Variants in SOCS6 observed in about 807,000 individuals in gnomAD.
The protein encoded by SOCS6 is suppressor of cytokine signaling 6, also known as STAT induced STAT inhibitor-4.
A neutral mutation model predicts 27.7 loss-of-function variants in SOCS6; 5 were observed. That is an observed-to-expected ratio of 0.18 (90% confidence interval 0.09 to 0.38). The LOEUF (loss-of-function observed/expected upper bound fraction) is 0.38. SOCS6 is among the 10% of genes least tolerant of loss of function. SOCS6 has a pLI of 1.00. For synonymous variants in SOCS6, 271 were observed against 260.0 expected (o/e 1.04, Z -0.41); for missense variants, 595 against 688.1 (o/e 0.86, Z 1.51).
intron 1 of SOCS6, among the ~76,000 whole-genome samples, chr18:70,316,243 T>C (rs1600163131): frequency 6.6e-6 from 1 of 152,194 alleles, no homozygotes; most frequent in Admixed American, 6.5e-5. Flanking sequence ...TGATTTTAAT[T>C]TAATTAATTT....
rs762872762 is a variant in SOCS6, at chr18:70,328,940, A to G, written c.*2664A>G. On this transcript the variant is annotated 3_prime_UTR_variant, in exon 2 of 2. Transcript: ENST00000397942. ...AACATAGATGACATGGACACAGCCTATGAGTGCTTTTTAAATACGTGCTTC... is the reference window on the plus strand; with the variant it reads ...AACATAGATGACATGGACACAGCCTGTGAGTGCTTTTTAAATACGTGCTTC... 6.0e-6 allele frequency: 1 copy of G among 167,082 alleles called. No individual in the cohort carries two copies. Among genetic ancestry groups the G allele is most frequent in the South Asian group, 2.1e-4 (1 of 4,830 alleles). 10.3% of individuals were successfully genotyped at this position (167,082 alleles called of 1,614,324 possible).
chr18:70,302,304 G>A (rs138010703), intron 1 of SOCS6, among the ~76,000 whole-genome samples: 1 of 152,024 alleles, frequency 6.6e-6, no homozygotes, highest in Non-Finnish European at 1.5e-5. Context: ...CATCTGCTGC[G>A]ATATTAAATG....
At position 70,328,715 on chromosome 18, in the gene SOCS6, A is replaced by G. The variant is rs1911303389; in HGVS notation, c.*2439A>G. 6.0e-6 allele frequency: 1 copy of G among 166,974 alleles called. No individual in the cohort carries two copies. Among genetic ancestry groups the G allele is most frequent in the African/African-American group, 2.4e-5 (1 of 41,418 alleles). The allele number at this position is 166,974 out of a possible 1,614,324, so 10.3% of individuals were successfully genotyped here. On this transcript the variant is annotated 3_prime_UTR_variant, in exon 2 of 2. Transcript: ENST00000397942. ...AAAAGTTAAATTTACAAGCAGAAAGATGTTTTGCGATATTTTCTACTTTTG... is the reference window on the plus strand; with the variant it reads ...AAAAGTTAAATTTACAAGCAGAAAGGTGTTTTGCGATATTTTCTACTTTTG...
intron 1 of SOCS6, among the ~76,000 whole-genome samples, chr18:70,324,296 A>C (rs997761162): frequency 1.5e-5 from 2 of 135,482 alleles, no homozygotes; most frequent in African/African-American, 7.7e-5. Flanking sequence ...AGTGAGACTC[A>C]TCTCAAAATA....
intron 1 of SOCS6, among the ~76,000 whole-genome samples, chr18:70,298,821 CA>C (rs1219907330): frequency 6.6e-6 from 1 of 152,184 alleles, no homozygotes; most frequent in Non-Finnish European, 1.5e-5. Flanking sequence ...ACCACTTCTT[CA>C]GTGTGAAAAC....
rs143028772 is a variant in SOCS6 at position 70,326,558 on chromosome 18, GC to G, written c.*290del. The G allele has an allele frequency of 1.4e-4, 50 of 359,406 alleles. No homozygotes were observed. The highest frequency in any genetic ancestry group is 2.3e-4 in the Admixed American group (5 of 21,724). 22.3% of individuals were successfully genotyped at this position (359,406 alleles called of 1,614,324 possible). A position where few individuals can be genotyped will look rare whatever the true frequency, so the allele number is the denominator to read the frequency against. ...TGTGAATTATCAAATTCTCCTCAAT[GC>G]CCCCCCCGCCCAGTCCTTTGCTGCT... On this transcript the variant is annotated 3_prime_UTR_variant, in exon 2 of 2. Coordinates refer to ENST00000397942, the MANE Select transcript of SOCS6 (RefSeq NM_004232.4).
At chr18:70,313,591 C>T (rs547861810) in intron 1 of SOCS6, among the ~76,000 whole-genome samples, 7 of 152,240 alleles carry the variant, frequency 4.6e-5, no homozygotes, top group South Asian at 4.2e-4. Flanking sequence ...CCACTAGTCC[C>T]GAAAGTTTCT....
At chr18:70,316,559 A>G (rs143203104) in intron 1 of SOCS6, among the ~76,000 whole-genome samples, 7 of 152,180 alleles carry the variant, frequency 4.6e-5, no homozygotes, top group African/African-American at 1.7e-4. Flanking sequence ...TCTTCATTAT[A>G]TTATGAATTA....
chr18:70,290,571 A>G (rs1274274600), intron 1 of SOCS6, among the ~76,000 whole-genome samples: 1 of 152,176 alleles, frequency 6.6e-6, no homozygotes, highest in Non-Finnish European at 1.5e-5. Flanking sequence ...TCAGCTCTAA[A>G]TTAAATATGT....
chr18:70,323,192 A>G (rs575155282), intron 1 of SOCS6, among the ~76,000 whole-genome samples: 1 of 152,320 alleles, frequency 6.6e-6, no homozygotes, highest in East Asian at 1.9e-4. Flanking sequence ...TCTGGGCTTT[A>G]TTAGCATTTC....
intron 1 of SOCS6, among the ~76,000 whole-genome samples, chr18:70,311,613 C>T (rs1282707297): frequency 6.6e-6 from 1 of 152,102 alleles, no homozygotes; most frequent in Non-Finnish European, 1.5e-5. Context: ...AGTCAACTTC[C>T]TGATCCTTTT....
At chr18:70,322,028 C>A (rs1195044566) in intron 1 of SOCS6, among the ~76,000 whole-genome samples, 1 of 152,112 alleles carries the variant, frequency 6.6e-6, no homozygotes. Flanking sequence ...GACATGACTA[C>A]CTCAAGTCAT....
At chr18:70,323,511 A>G (rs1194869591) in intron 1 of SOCS6, among the ~76,000 whole-genome samples, 1 of 152,218 alleles carries the variant, frequency 6.6e-6, no homozygotes, top group Non-Finnish European at 1.5e-5. Flanking sequence ...AGCAATAATA[A>G]TTCTGGAAAT....
intron 1 of SOCS6, among the ~76,000 whole-genome samples, chr18:70,305,600 T>C (rs2062365888): frequency 6.6e-6 from 1 of 152,236 alleles, no homozygotes; most frequent in Non-Finnish European, 1.5e-5. Context: ...AAAAAAGAGC[T>C]TACTAAGCTT....
intron 1 of SOCS6, among the ~76,000 whole-genome samples, chr18:70,303,165 A>AC (rs760823956): frequency 3.9e-5 from 6 of 152,168 alleles, no homozygotes; most frequent in Non-Finnish European, 7.3e-5. Context: ...ATGTAATTGA[A>AC]CCACATACAT....
intron 1 of SOCS6, among the ~76,000 whole-genome samples, chr18:70,310,467 G>GTTTTTTTTTTTTTTTTTTTTTTTTTTTTT (rs1332886593): frequency 7.2e-6 from 1 of 139,532 alleles, no homozygotes. Context: ...TTTTTTGTGG[G>GTTTTTTTTTTTTTTTTTTTTTTTTTTTTT]GTTTTTTTTT....
intron 1 of SOCS6, among the ~76,000 whole-genome samples, chr18:70,299,643 C>T (rs12963545): frequency 0.99 from 150,677 of 152,308 alleles, 74,560 homozygotes; most frequent in East Asian, 1. Context: ...CTAGGAGGGC[C>T]GCTTTTAATC....
intron 1 of SOCS6, among the ~76,000 whole-genome samples, chr18:70,323,679 G>A (rs1346329539): frequency 2.6e-5 from 4 of 152,168 alleles, no homozygotes; most frequent in Non-Finnish European, 5.9e-5. Flanking sequence ...AGGAATTCTC[G>A]AGTATAGAGG....
intron 1 of SOCS6, among the ~76,000 whole-genome samples, chr18:70,322,572 T>TA (rs1301725285): frequency 9.2e-5 from 14 of 152,222 alleles, no homozygotes; most frequent in Admixed American, 3.9e-4. Context: ...GTTAATCAGT[T>TA]ACTGATTCTG....
Sources: gnomAD v4.1 joint callset for allele counts (sites outside exome capture counted in the v4.1 genomes callset) on GRCh38, gnomAD v4.1.1 for gene constraint, MANE v1.5 for transcripts, NCBI Gene and HGNC (gene_info 2026-07-23, HGNC 2026-07-21) for gene names.